Variants in SKAP1 observed in about 807,000 individuals in gnomAD.
The protein encoded by SKAP1 is src kinase associated phosphoprotein 1, also known as src kinase-associated phosphoprotein 1.
Under a neutral mutation model 58.5 loss-of-function variants are expected in SKAP1, and 44 were observed. The observed-to-expected ratio is 0.75, with a 90% confidence interval of 0.59 to 0.97. The LOEUF is 0.97. Among genes scored for constraint, SKAP1 ranks in the 50% least tolerant of loss-of-function variants. The pLI is 0.00. For missense variants in SKAP1, 390 were observed against 435.2 expected, an observed-to-expected ratio of 0.90 and a Z score of 0.92; for synonymous variants, 127 against 149.7, an observed-to-expected ratio of 0.85 and a Z score of 1.11.
intron 4 of SKAP1, among the ~76,000 whole-genome samples, chr17:48,305,569 G>A (rs953544274): frequency 6.6e-6 from 1 of 152,220 alleles, no homozygotes; most frequent in Non-Finnish European, 1.5e-5. Flanking sequence ...AGCTGGGAGT[G>A]ATGCTGGAAA....
At chr17:48,389,953 T>C (rs2067325976) in intron 2 of SKAP1, among the ~76,000 whole-genome samples, 1 of 152,178 alleles carries the variant, frequency 6.6e-6, no homozygotes. Flanking sequence ...TTTTGGAACA[T>C]TTATTTAAAA....
intron 11 of SKAP1, among the ~76,000 whole-genome samples, chr17:48,142,731 G>C (rs1245192068): frequency 6.6e-6 from 1 of 152,120 alleles, no homozygotes; most frequent in Non-Finnish European, 1.5e-5. Context: ...TTAGGACCAG[G>C]GAAGTGCCTT....
At chr17:48,162,608 T>A in intron 10 of SKAP1, 39 bp from the exon 11 acceptor site, 1 of 1,531,038 alleles carries the variant, frequency 6.5e-7, no homozygotes, top group Non-Finnish European at 9.0e-7. Flanking sequence ...AAAAGGACTC[T>A]ATTTTTTCCG....
intron 4 of SKAP1, among the ~76,000 whole-genome samples, chr17:48,238,663 G>A (rs747883494): frequency 1.3e-5 from 2 of 152,096 alleles, no homozygotes; most frequent in East Asian, 1.9e-4. Context: ...ATGAGCCACC[G>A]CGCCCAGTTG....
chr17:48,298,519 C>G (rs766317608), intron 4 of SKAP1, among the ~76,000 whole-genome samples: 2 of 152,150 alleles, frequency 1.3e-5, no homozygotes, highest in African/African-American at 4.8e-5. Flanking sequence ...ATTAAAAACT[C>G]TTAACTGTTT....
chr17:48,362,379 T>G (rs2066948233), intron 3 of SKAP1, among the ~76,000 whole-genome samples: 1 of 152,228 alleles, frequency 6.6e-6, no homozygotes, highest in Admixed American at 6.5e-5. Flanking sequence ...CTCCTTTAGG[T>G]AATTAATTCT....
intron 4 of SKAP1, among the ~76,000 whole-genome samples, chr17:48,197,875 C>T (rs2064660674): frequency 6.6e-6 from 1 of 152,248 alleles, no homozygotes; most frequent in East Asian, 1.9e-4. Flanking sequence ...TCTAGGAGAC[C>T]TGTGGTCTTG....
At chr17:48,367,430 C>CA (rs1263485804) in intron 2 of SKAP1, among the ~76,000 whole-genome samples, 1 of 148,060 alleles carries the variant, frequency 6.8e-6, no homozygotes, top group African/African-American at 2.5e-5. Context: ...GCATTCTCAC[C>CA]AAAAAAAAGG....
intron 4 of SKAP1, among the ~76,000 whole-genome samples, chr17:48,247,664 T>G (rs1477204341): frequency 2.0e-5 from 3 of 152,162 alleles, no homozygotes; most frequent in Non-Finnish European, 4.4e-5. Flanking sequence ...TTTTTCAAAG[T>G]GTTTATATAT....
intron 9 of SKAP1, among the ~76,000 whole-genome samples, chr17:48,176,860 C>T (rs1403129278): frequency 1.3e-5 from 2 of 152,106 alleles, no homozygotes; most frequent in East Asian, 1.9e-4. Context: ...TATTAGGAAG[C>T]CCATCTAAAT....
At chr17:48,433,093 G>A (rs543546150), upstream of SKAP1, among the ~76,000 whole-genome samples, 5 of 152,304 alleles carry the variant, frequency 3.3e-5, no homozygotes, top group South Asian at 8.3e-4. Flanking sequence ...ACACATGAAC[G>A]CAGCCCTTCC....
chr17:48,340,073 A>G (rs539464364), intron 4 of SKAP1, among the ~76,000 whole-genome samples: 15 of 152,164 alleles, frequency 9.9e-5, no homozygotes, highest in African/African-American at 3.4e-4. Context: ...CCAGCTACTC[A>G]GGAGGCTGAG....
chr17:48,340,494 A>T (rs1193773554), intron 4 of SKAP1, among the ~76,000 whole-genome samples: 1 of 152,194 alleles, frequency 6.6e-6, no homozygotes, highest in African/African-American at 2.4e-5. Flanking sequence ...AAAGAGTAAG[A>T]GTGTAATCAA....
chr17:48,344,789 T>C (rs904547325), intron 4 of SKAP1, among the ~76,000 whole-genome samples: 6 of 152,098 alleles, frequency 3.9e-5, no homozygotes, highest in Non-Finnish European at 7.4e-5. Context: ...CCAGTTCTTA[T>C]GTGGAGGTTA....
intron 4 of SKAP1, among the ~76,000 whole-genome samples, chr17:48,248,607 G>C (rs984019871): frequency 4.6e-5 from 7 of 151,930 alleles, no homozygotes; most frequent in Non-Finnish European, 7.4e-5. Context: ...AAATTGTAGG[G>C]GATAAGAAAT....
intron 11 of SKAP1, among the ~76,000 whole-genome samples, chr17:48,150,660 G>C (rs1220226358): frequency 6.6e-6 from 1 of 152,226 alleles, no homozygotes; most frequent in Admixed American, 6.5e-5. Flanking sequence ...CAGCCAATGT[G>C]AACAAGGAGA....
intron 2 of SKAP1, among the ~76,000 whole-genome samples, chr17:48,376,782 A>T (rs1033939255): frequency 6.6e-6 from 1 of 152,212 alleles, no homozygotes; most frequent in South Asian, 2.1e-4. Context: ...AAATAATCAA[A>T]TTGTGTAGAA....
chr17:48,334,761 T>C (rs1201508071), intron 4 of SKAP1, among the ~76,000 whole-genome samples: 1 of 151,914 alleles, frequency 6.6e-6, no homozygotes, highest in Non-Finnish European at 1.5e-5. Context: ...AATGTTTTGC[T>C]ATTAAGATGT....
chr17:48,396,155 C>CA (rs1421593331), intron 2 of SKAP1, among the ~76,000 whole-genome samples: 1 of 152,160 alleles, frequency 6.6e-6, no homozygotes, highest in African/African-American at 2.4e-5. Context: ...CTAAAATGCA[C>CA]AAATTACATC....
Sources: gnomAD v4.1 joint callset for allele counts (sites outside exome capture counted in the v4.1 genomes callset) on GRCh38, gnomAD v4.1.1 for gene constraint, MANE v1.5 for transcripts, NCBI Gene and HGNC (gene_info 2026-07-23, HGNC 2026-07-21) for gene names.